Variants in LRRC8D observed in about 807,000 individuals in gnomAD.
The protein encoded by LRRC8D is leucine rich repeat containing 8 VRAC subunit D.
In LRRC8D, 20 loss-of-function variants were observed where a neutral mutation model predicts 55.8. The observed-to-expected ratio is 0.36, with a 90% confidence interval of 0.25 to 0.52. The LOEUF is 0.52. LRRC8D is among the 20% of genes least tolerant of loss of function. LRRC8D has a pLI of 0.93. For synonymous variants in LRRC8D, 352 were observed against 377.0 expected (o/e 0.93, Z 0.77); for missense variants, 651 against 1,030.8 (o/e 0.63, Z 5.05).
chr1:89,887,808 T>A (rs1662461661), intron 2 of LRRC8D, among the ~76,000 whole-genome samples: 1 of 152,248 alleles, frequency 6.6e-6, no homozygotes, highest in Non-Finnish European at 1.5e-5. Context: ...GAGAGCCCTA[T>A]GGCATGGCAT....
At chr1:89,869,953 C>CTCTACT (rs1349487654) in intron 2 of LRRC8D, among the ~76,000 whole-genome samples, 4 of 151,188 alleles carry the variant, frequency 2.6e-5, no homozygotes, top group African/African-American at 9.7e-5. Context: ...ACTAAAAATA[C>CTCTACT]AAAAATTAGC....
chr1:89,857,563 G>C (rs940400317), intron 2 of LRRC8D, among the ~76,000 whole-genome samples: 1 of 152,034 alleles, frequency 6.6e-6, no homozygotes, highest in Admixed American at 6.6e-5. Flanking sequence ...AGCGAAATAA[G>C]CTGAAAATCT....
intron 2 of LRRC8D, among the ~76,000 whole-genome samples, chr1:89,926,498 A>T (rs1663569189): frequency 6.6e-6 from 1 of 152,214 alleles, no homozygotes; most frequent in African/African-American, 2.4e-5. Context: ...ACATAATGTC[A>T]TTGCTTTGTC....
chr1:89,928,169 G>C (rs1310001431), intron 2 of LRRC8D, among the ~76,000 whole-genome samples: 2 of 152,080 alleles, frequency 1.3e-5, no homozygotes, highest in Non-Finnish European at 2.9e-5. Flanking sequence ...ACCCGGTTTC[G>C]AGCAATTCTT....
At chr1:89,859,200 A>T (rs1230444175) in intron 2 of LRRC8D, among the ~76,000 whole-genome samples, 1 of 152,048 alleles carries the variant, frequency 6.6e-6, no homozygotes, top group African/African-American at 2.4e-5. Flanking sequence ...ATAATAGTAG[A>T]CTATTCGGTA....
chr1:89,894,771 A>G (rs751934336), intron 2 of LRRC8D, among the ~76,000 whole-genome samples: 2 of 152,250 alleles, frequency 1.3e-5, no homozygotes, highest in South Asian at 4.1e-4. Flanking sequence ...TAAAGGGAAT[A>G]TAAGTCACCA....
intron 2 of LRRC8D, among the ~76,000 whole-genome samples, chr1:89,909,860 C>A: frequency 7.2e-6 from 1 of 139,766 alleles, no homozygotes; most frequent in African/African-American, 2.7e-5. Context: ...AGCAAGACTC[C>A]GTCTCAAAAA....
intron 2 of LRRC8D, among the ~76,000 whole-genome samples, chr1:89,854,713 T>C (rs747535325): frequency 4.3e-4 from 66 of 152,338 alleles, no homozygotes; most frequent in Non-Finnish European, 7.8e-4. Context: ...TAAGAGCAGC[T>C]AGACTCCCAT....
chr1:89,915,302 ATTGT>A, intron 2 of LRRC8D, among the ~76,000 whole-genome samples: 1 of 152,296 alleles, frequency 6.6e-6, no homozygotes, highest in Non-Finnish European at 1.5e-5. Flanking sequence ...ATCTAAAGAT[ATTGT>A]GGTCCATCAA....
At chr1:89,909,116 A>G (rs1663069166) in intron 2 of LRRC8D, among the ~76,000 whole-genome samples, 2 of 152,156 alleles carry the variant, frequency 1.3e-5, no homozygotes, top group South Asian at 2.1e-4. Flanking sequence ...TTCAACAACA[A>G]TAACAACAGA....
intron 2 of LRRC8D, chr1:89,846,505 G>A (rs1340029345): frequency 1.3e-5 from 2 of 152,146 alleles, no homozygotes; most frequent in Admixed American, 6.5e-5. Context: ...GTAATCCGTG[G>A]TTCTTTTGTA....
At chr1:89,897,868 C>T (rs1662750694) in intron 2 of LRRC8D, among the ~76,000 whole-genome samples, 1 of 152,096 alleles carries the variant, frequency 6.6e-6, no homozygotes, top group South Asian at 2.1e-4. Flanking sequence ...TGGTGGGCAG[C>T]CGAGGTGCAG....
chr1:89,887,575 C>T (rs1242561229), intron 2 of LRRC8D, among the ~76,000 whole-genome samples: 1 of 152,172 alleles, frequency 6.6e-6, no homozygotes, highest in African/African-American at 2.4e-5. Context: ...CTCATAGATG[C>T]AGTAACTAAA....
chr1:89,874,479 GT>G (rs1269408501), intron 2 of LRRC8D, among the ~76,000 whole-genome samples: 7 of 147,440 alleles, frequency 4.7e-5, no homozygotes, highest in Admixed American at 2.0e-4. Flanking sequence ...GTGTGTGTGT[GT>G]GGTAAGTGGG....
chr1:89,891,161 T>C (rs957310470), intron 2 of LRRC8D, among the ~76,000 whole-genome samples: 18 of 152,232 alleles, frequency 1.2e-4, no homozygotes, highest in Non-Finnish European at 2.5e-4. Context: ...ATTACAGGCG[T>C]GAGCCACCGC....
At chr1:89,892,961 G>GTTCA (rs546870341) in intron 2 of LRRC8D, among the ~76,000 whole-genome samples, 1 of 152,104 alleles carries the variant, frequency 6.6e-6, no homozygotes, top group Admixed American at 6.5e-5. Flanking sequence ...TGGTTAATTT[G>GTTCA]TTCATTCATT....
At chr1:89,930,956 C>G (rs1663689844) in intron 2 of LRRC8D, among the ~76,000 whole-genome samples, 1 of 151,690 alleles carries the variant, frequency 6.6e-6, no homozygotes, top group South Asian at 2.1e-4. Flanking sequence ...CTCCCACTTC[C>G]CCTACTAAGG....
intron 2 of LRRC8D, among the ~76,000 whole-genome samples, chr1:89,868,618 C>T (rs532515354): frequency 1.3e-5 from 2 of 152,050 alleles, no homozygotes; most frequent in Non-Finnish European, 2.9e-5. Flanking sequence ...ACGTGCTAAG[C>T]AGTGTACATT....
intron 2 of LRRC8D, among the ~76,000 whole-genome samples, chr1:89,926,901 C>T (rs1349384228): frequency 6.6e-6 from 1 of 152,160 alleles, no homozygotes; most frequent in Non-Finnish European, 1.5e-5. Flanking sequence ...CCACAACTTC[C>T]GTGAGTCTAT....
Sources: allele counts gnomAD v4.1 joint callset (sites outside exome capture counted in the v4.1 genomes callset), GRCh38; gene constraint gnomAD v4.1.1; transcripts MANE v1.5; gene names NCBI Gene and HGNC (gene_info 2026-07-23, HGNC 2026-07-21).